Variants in ZFPM2 observed in about 807,000 individuals in gnomAD.
ZFPM2 encodes the protein zinc finger protein ZFPM2.
In ZFPM2, 20 loss-of-function variants were observed where a neutral mutation model predicts 98.6. That is an observed-to-expected ratio of 0.20 (90% CI 0.14 to 0.29). The LOEUF is 0.29. Ranked by LOEUF, ZFPM2 falls within the 10% of genes least tolerant of loss-of-function variation. ZFPM2 has a pLI of 1.00. For missense variants in ZFPM2, 1,310 were observed against 1,388.6 expected (o/e 0.94, Z 0.90); for synonymous variants, 518 against 502.7 (o/e 1.03, Z -0.41).
chr8:105,405,707 C>A (rs1318061468), intron 1 of ZFPM2, among the ~76,000 whole-genome samples: 2 of 151,924 alleles, frequency 1.3e-5, no homozygotes, highest in Non-Finnish European at 2.9e-5. Context: ...GGTTCCAAGT[C>A]TTTGCTATTG....
chr8:105,654,699 T>C (rs1478949048), intron 5 of ZFPM2, among the ~76,000 whole-genome samples: 3 of 152,178 alleles, frequency 2.0e-5, no homozygotes, highest in African/African-American at 7.2e-5. Context: ...GGTCATTCTA[T>C]TCAAGCAGCT....
intron 3 of ZFPM2, among the ~76,000 whole-genome samples, chr8:105,489,462 ATATATT>A (rs1479653368): frequency 1.5e-5 from 1 of 68,654 alleles, no homozygotes; most frequent in African/African-American, 7.2e-5. Context: ...ATATATATAT[ATATATT>A]TTTTTTTTTT....
intron 5 of ZFPM2, among the ~76,000 whole-genome samples, chr8:105,722,799 C>A (rs1259646580): frequency 6.6e-6 from 1 of 151,662 alleles, no homozygotes; most frequent in Non-Finnish European, 1.5e-5. Context: ...GAGGCAGGCA[C>A]ACTGGGTGTA....
chr8:105,591,392 A>G (rs1185329422), intron 4 of ZFPM2, among the ~76,000 whole-genome samples: 3 of 152,146 alleles, frequency 2.0e-5, no homozygotes, highest in African/African-American at 4.8e-5. Flanking sequence ...ATAGGGTCTA[A>G]TTGTTCATAA....
At chr8:105,626,097 T>C (rs2130825589) in intron 4 of ZFPM2, among the ~76,000 whole-genome samples, 1 of 152,202 alleles carries the variant, frequency 6.6e-6, no homozygotes, top group Admixed American at 6.5e-5. Context: ...TTCAAAAGCT[T>C]AACTTACTAA....
At chr8:105,345,353 G>T (rs1283179183) in intron 1 of ZFPM2, among the ~76,000 whole-genome samples, 1 of 145,420 alleles carries the variant, frequency 6.9e-6, no homozygotes, top group African/African-American at 2.5e-5. Context: ...TTTTGTTCTT[G>T]TTTCCATCTT....
chr8:105,511,970 A>T (rs1813827003), intron 3 of ZFPM2, among the ~76,000 whole-genome samples: 1 of 152,114 alleles, frequency 6.6e-6, no homozygotes, highest in Admixed American at 6.5e-5. Flanking sequence ...ACATGGTGCA[A>T]CCCCATCTCT....
intron 2 of ZFPM2, among the ~76,000 whole-genome samples, chr8:105,422,905 A>C (rs1015358960): frequency 1.3e-5 from 2 of 152,166 alleles, no homozygotes; most frequent in Non-Finnish European, 2.9e-5. Flanking sequence ...GCTTATTATA[A>C]AGTTTCTGCT....
In ZFPM2 at chr8:105,561,397, A is replaced by G. The variant is rs1424248446; in HGVS notation, c.336A>G (p.Arg112=). The G allele has an allele frequency of 1.2e-6, 2 of 1,613,474 alleles. No individual in the cohort carries two copies. Among genetic ancestry groups the G allele is most frequent in the Non-Finnish European group, 1.7e-6 (2 of 1,179,660 alleles). The part of the protein sequence containing the change: ...ELEVFQKDGE[R]KIQSRQQLPV... ...AGGTGTTTCAGAAAGATGGGGAACG[A>G]AAAATTCAGAGTCGACAGCAACTTC... is the stretch of plus-strand genomic sequence containing the variant. The change falls in exon 4 of 8, where the codon CGA becomes CGG. Residue 112 remains arginine, a synonymous_variant. Coordinates refer to ENST00000407775, the MANE Select transcript of ZFPM2 (RefSeq NM_012082.4).
At chr8:105,468,483 A>G (rs900012697) in intron 3 of ZFPM2, among the ~76,000 whole-genome samples, 21 of 151,990 alleles carry the variant, frequency 1.4e-4, no homozygotes, top group East Asian at 5.8e-4. Context: ...TGCAACCTCA[A>G]TGAGGACTCT....
intron 5 of ZFPM2, among the ~76,000 whole-genome samples, chr8:105,744,910 G>A (rs562814744): frequency 2.0e-5 from 3 of 152,230 alleles, no homozygotes; most frequent in African/African-American, 7.2e-5. Flanking sequence ...TGTAGGAATT[G>A]TTTGCTTCTC....
In ZFPM2 at chr8:105,802,504, T is replaced by C; in HGVS notation, c.2422T>C (p.Cys808Arg). 6.2e-7 allele frequency: 1 copy of C among 1,612,420 alleles called. No homozygotes were observed. Residue 808 changes from cysteine (C) to arginine (R), a missense_variant, in exon 8 of 8, where the codon TGT becomes CGT. Cys to Arg is a radical substitution (Grantham distance 180). Coordinates refer to ENST00000407775, the MANE Select transcript of ZFPM2 (RefSeq NM_012082.4). ...HLETSLTINK[C>R]VPVSKCDTTH... is the part of the protein sequence containing the mutation. ...GGAAACTTCTCTGACGATCAACAAG[T>C]GTGTTCCAGTTTCCAAATGTGATAC...
At chr8:105,383,926 C>A (rs1273423530) in intron 1 of ZFPM2, among the ~76,000 whole-genome samples, 2 of 152,066 alleles carry the variant, frequency 1.3e-5, no homozygotes, top group Admixed American at 6.6e-5. Context: ...ATTTTTCTGT[C>A]TTCTTTCAAA....
At chr8:105,380,608 TATATATATTATATATAAC>T (rs1460393077) in intron 1 of ZFPM2, among the ~76,000 whole-genome samples, 1 of 68,242 alleles carries the variant, frequency 1.5e-5, no homozygotes, top group Non-Finnish European at 2.6e-5. Context: ...ATATTATATA[TATATATATTATATATAAC>T]ATATATATTA....
chr8:105,503,939 C>T (rs1813646528), intron 3 of ZFPM2, among the ~76,000 whole-genome samples: 1 of 152,138 alleles, frequency 6.6e-6, no homozygotes, highest in African/African-American at 2.4e-5. Context: ...TGCTGGTATC[C>T]ATTCTGTTTT....
At chr8:105,727,301 T>C (rs1049372451) in intron 5 of ZFPM2, among the ~76,000 whole-genome samples, 2 of 151,450 alleles carry the variant, frequency 1.3e-5, no homozygotes, top group Non-Finnish European at 3.0e-5. Context: ...TTAATAGTCA[T>C]TGCACTCCAA....
At chr8:105,613,204 T>C (rs1458015304) in intron 4 of ZFPM2, among the ~76,000 whole-genome samples, 4 of 152,098 alleles carry the variant, frequency 2.6e-5, no homozygotes, top group Non-Finnish European at 5.9e-5. Flanking sequence ...CATAGCCAAA[T>C]GATGACTGAG....
chr8:105,620,590 T>A (rs998456320), intron 4 of ZFPM2, among the ~76,000 whole-genome samples: 36 of 152,158 alleles, frequency 2.4e-4, no homozygotes, highest in Admixed American at 7.9e-4. Flanking sequence ...TGTGTTTTAG[T>A]CATGAAGTCC....
intron 2 of ZFPM2, among the ~76,000 whole-genome samples, chr8:105,439,457 T>G (rs1394570977): frequency 6.6e-6 from 1 of 152,200 alleles, no homozygotes; most frequent in Non-Finnish European, 1.5e-5. Context: ...GTGGCCTTTA[T>G]GATGCCATAG....
Sources: allele counts gnomAD v4.1 joint callset (sites outside exome capture counted in the v4.1 genomes callset), GRCh38; gene constraint gnomAD v4.1.1; transcripts MANE v1.5; gene names NCBI Gene and HGNC (gene_info 2026-07-23, HGNC 2026-07-21).